Variants in FANK1 observed in about 807,000 individuals in gnomAD.
The protein encoded by FANK1 is fibronectin type III and ankyrin repeat domains 1.
Under a neutral mutation model 45.3 loss-of-function variants are expected in FANK1, and 44 were observed. The ratio of observed to expected loss-of-function variants is 0.97; its 90% CI spans 0.76 to 1.25. FANK1 has a LOEUF of 1.25. Among genes scored for constraint, FANK1 ranks in the 50% most tolerant of loss-of-function variants. The probability of loss-of-function intolerance (pLI) is 0.00; values close to 1 mark genes in which losing one functional copy is unlikely to be tolerated. For synonymous variants in FANK1, 149 were observed against 152.5 expected (o/e 0.98, Z 0.17); for missense variants, 391 against 424.4 (o/e 0.92, Z 0.69).
intron 1 of FANK1, among the ~76,000 whole-genome samples, chr10:125,944,082 C>T (rs1292671823): frequency 6.6e-6 from 1 of 152,144 alleles, no homozygotes; most frequent in Non-Finnish European, 1.5e-5. Flanking sequence ...TTGAATTATT[C>T]TTGTGTATAC....
intron 1 of FANK1, among the ~76,000 whole-genome samples, chr10:125,946,255 G>A (rs1948791659): frequency 6.6e-6 from 1 of 151,942 alleles, no homozygotes; most frequent in African/African-American, 2.4e-5. Context: ...AAAGCTGGAT[G>A]GAGAATGACT....
chr10:125,999,409 C>A (rs11244758), intron 6 of FANK1, among the ~76,000 whole-genome samples: 88,004 of 151,430 alleles, frequency 0.58, 27,011 homozygotes, highest in Non-Finnish European at 0.68. Flanking sequence ...CCGTGTTAGC[C>A]AGGATGGTCT....
intron 1 of FANK1, chr10:125,972,681 G>A (rs1167382764): frequency 6.6e-6 from 1 of 152,168 alleles, no homozygotes; most frequent in Non-Finnish European, 1.5e-5. Flanking sequence ...ATCTTGATGA[G>A]TTTTGTATGA....
intron 1 of FANK1, among the ~76,000 whole-genome samples, chr10:125,963,775 G>A (rs934315936): frequency 6.6e-6 from 1 of 152,048 alleles, no homozygotes; most frequent in Admixed American, 6.6e-5. Flanking sequence ...GATAGCATTA[G>A]GAGAAATACC....
rs562100031 is a variant in FANK1 at position 126,007,951 on chromosome 10, T to A, written c.706-456T>A. On this transcript the variant is annotated intron_variant, in intron 7 of 10. Transcript: ENST00000368693. ...TTTCAGACAGAGTTTGTGTAATGAA[T>A]CTGGTTGTTCTGTATTTTACCTGTA... 2.0e-5 allele frequency among the ~76,000 whole-genome samples: 3 copies of A among 152,358 alleles called. No individual in the cohort carries two copies. In the South Asian group the frequency reaches 6.2e-4, roughly 32 times the overall value.
At chr10:125,910,982 C>T (rs1027372781) in intron 1 of FANK1, among the ~76,000 whole-genome samples, 11 of 151,040 alleles carry the variant, frequency 7.3e-5, no homozygotes, top group Admixed American at 2.0e-4. Context: ...TGTAGTGAAC[C>T]GAGATTGCAC....
At chr10:125,904,861 C>T (rs144923816) in intron 1 of FANK1, among the ~76,000 whole-genome samples, 296 of 152,064 alleles carry the variant, frequency 1.9e-3, no homozygotes, top group African/African-American at 6.8e-3. Context: ...CGCGGTGGCT[C>T]ACGCCTGTAA....
intron 1 of FANK1, among the ~76,000 whole-genome samples, chr10:125,916,917 A>T (rs1168518166): frequency 6.6e-6 from 1 of 152,186 alleles, no homozygotes; most frequent in Non-Finnish European, 1.5e-5. Context: ...AGGAAGGAAC[A>T]TCCTTCTCTC....
chr10:125,980,430 C>G, intron 2 of FANK1, 92 bp downstream of exon 2: 1 of 1,367,828 alleles, frequency 7.3e-7, no homozygotes, highest in Admixed American at 2.4e-5. Context: ...CTGCTTGTTT[C>G]AAATTAAAGA....
intron 1 of FANK1, among the ~76,000 whole-genome samples, chr10:125,912,788 C>T (rs926501397): frequency 2.6e-5 from 4 of 152,164 alleles, no homozygotes; most frequent in Admixed American, 6.5e-5. Flanking sequence ...CAGGTGCCCA[C>T]CACCATGCCC....
chr10:126,008,727 G>A lies in FANK1; in HGVS notation c.849+177G>A, dbSNP rs547585709. Reference sequence around the variant, plus strand: ...ATGAGGCTGTCACTAGAATACTTTCGTTGTCTTTTTACAACTATTTAAGGA... The same window carrying A: ...ATGAGGCTGTCACTAGAATACTTTCATTGTCTTTTTACAACTATTTAAGGA... On this transcript the variant is annotated intron_variant, in intron 8 of 10. Coordinates refer to ENST00000368693, the MANE Select transcript of FANK1 (RefSeq NM_145235.5). Among the ~76,000 whole-genome samples, 6 of 152,254 alleles carry A rather than the reference G, an allele frequency of 3.9e-5. No homozygotes were observed. The South Asian group carries it at 6.2e-4, about 16-fold the overall frequency.
chr10:125,976,344 TTGAC>T (rs1351355919), intron 1 of FANK1, among the ~76,000 whole-genome samples: 1 of 152,206 alleles, frequency 6.6e-6, no homozygotes, highest in Non-Finnish European at 1.5e-5. Flanking sequence ...TTTCCTGAGT[TTGAC>T]TGTAGGTCCC....
At chr10:125,929,847 G>T (rs571835908) in intron 1 of FANK1, among the ~76,000 whole-genome samples, 2 of 152,194 alleles carry the variant, frequency 1.3e-5, no homozygotes, top group Admixed American at 6.5e-5. Context: ...TCTACTTGAG[G>T]TACACCCTAT....
At chr10:125,943,965 C>G (rs1362660069) in intron 1 of FANK1, among the ~76,000 whole-genome samples, 1 of 152,224 alleles carries the variant, frequency 6.6e-6, no homozygotes, top group African/African-American at 2.4e-5. Context: ...ATTGTGGAAT[C>G]TTCACGTCTT....
At chr10:125,912,606 A>G (rs3866418) in intron 1 of FANK1, among the ~76,000 whole-genome samples, 1 of 152,160 alleles carries the variant, frequency 6.6e-6, no homozygotes. Flanking sequence ...ATATTCAATC[A>G]TCTACTTAAT....
chr10:125,973,146 A>G (rs1950626816), intron 1 of FANK1: 2 of 152,372 alleles, frequency 1.3e-5, no homozygotes, highest in Admixed American at 6.5e-5. Flanking sequence ...ATCAGTAAAG[A>G]ACAAGCCATA....
intron 1 of FANK1, among the ~76,000 whole-genome samples, chr10:125,920,483 T>C (rs1441790339): frequency 6.6e-6 from 1 of 152,262 alleles, no homozygotes; most frequent in African/African-American, 2.4e-5. Flanking sequence ...ATTGAAAAAC[T>C]TCTAATACTG....
chr10:125,992,854 C>G (rs1952041120), intron 3 of FANK1, among the ~76,000 whole-genome samples: 1 of 151,136 alleles, frequency 6.6e-6, no homozygotes. Context: ...GATTTTTAGG[C>G]ATCCCCTTTC....
intron 1 of FANK1, among the ~76,000 whole-genome samples, chr10:125,969,627 TA>T: frequency 6.6e-6 from 1 of 152,304 alleles, no homozygotes; most frequent in South Asian, 2.1e-4. Flanking sequence ...TCTTTTTTTT[TA>T]AATTTTTTTT....
Sources: allele counts gnomAD v4.1 joint callset (sites outside exome capture counted in the v4.1 genomes callset), GRCh38; gene constraint gnomAD v4.1.1; transcripts MANE v1.5; gene names NCBI Gene and HGNC (gene_info 2026-07-23, HGNC 2026-07-21).